The following SEC24A variants were observed in gnomAD, a reference collection of about 807,000 sequenced individuals.
SEC24A encodes the protein SEC24 homolog A, COPII component.
In SEC24A, 93 loss-of-function variants were observed where a neutral mutation model predicts 129.4. The observed-to-expected ratio is 0.72, with a 90% CI of 0.61 to 0.85. SEC24A has a LOEUF of 0.85. SEC24A is among the 40% of genes least tolerant of loss of function. The pLI, the probability that SEC24A is intolerant of heterozygous loss-of-function variation, is 0.00. For synonymous variants in SEC24A, 460 were observed against 467.3 expected, an observed-to-expected ratio of 0.98 and a Z score of 0.20; for missense variants, 1,264 against 1,307.4, an observed-to-expected ratio of 0.97 and a Z score of 0.51.
chr5:134,675,072 A>G lies in SEC24A; in HGVS notation c.1006A>G (p.Thr336Ala). 6.2e-7 allele frequency: 1 copy of G among 1,607,480 alleles called. No individual in the cohort carries two copies. The highest frequency in any genetic ancestry group is 8.5e-7 in the Non-Finnish European group (1 of 1,175,548). Residue 336 changes from threonine to alanine, a missense_variant, in exon 6 of 23, where the codon ACA becomes GCA. Physicochemically the swap from Thr to Ala is moderately conservative, Grantham distance 58. Coordinates refer to ENST00000398844, the MANE Select transcript of SEC24A (RefSeq NM_021982.3). ...TCCCTTAGGTGCTAATCATTTAACC[A>G]CAAGCATGAGTGGATTAAGTCTACA... ...QTPLGANHLT[T>A]SMSGLSLQPE...
chr5:134,710,442 A>G (rs1752291167), intron 18 of SEC24A, among the ~76,000 whole-genome samples: 1 of 152,090 alleles, frequency 6.6e-6, no homozygotes, highest in South Asian at 2.1e-4. Flanking sequence ...CATATTGGTT[A>G]GGCTGGTTTC....
At chr5:134,689,719 G>C (rs1196014341) in intron 11 of SEC24A, among the ~76,000 whole-genome samples, 2 of 151,168 alleles carry the variant, frequency 1.3e-5, no homozygotes, top group Non-Finnish European at 2.9e-5. Context: ...AGCCGAGATC[G>C]TGCCACCGCA....
chr5:134,680,649 T>G (rs1345936536), intron 8 of SEC24A, among the ~76,000 whole-genome samples: 1 of 151,806 alleles, frequency 6.6e-6, no homozygotes, highest in African/African-American at 2.4e-5. Context: ...TTTGTTTTTG[T>G]TTGTTTGTTT....
rs1752435789 is a variant in SEC24A, at chr5:134,715,029, A to G, written c.2733A>G (p.Ser911=). ...ATGGGGGTTTTCTGTTACAGAAATC[A>G]TTCCAGACTGGGACAAATGCACGTC... is the stretch of plus-strand genomic sequence containing the variant. The part of the protein sequence containing the change: ...LFVLALLKQK[S]FQTGTNARLD... The change falls in exon 19 of 23, where the codon TCA becomes TCG. Residue 911 remains serine (S), a synonymous_variant. Transcript: ENST00000398844. 3 of 1,612,238 alleles carry G rather than the reference A, an allele frequency of 1.9e-6. No homozygotes were observed. Among genetic ancestry groups the G allele is most frequent in the Non-Finnish European group, 2.5e-6 (3 of 1,179,282 alleles).
chr5:134,657,766 G>A (rs963609839), intron 1 of SEC24A, among the ~76,000 whole-genome samples: 2 of 151,930 alleles, frequency 1.3e-5, no homozygotes, highest in Non-Finnish European at 2.9e-5. Flanking sequence ...TTGTAGAGAC[G>A]AGGTCTCACT....
intron 2 of SEC24A, among the ~76,000 whole-genome samples, chr5:134,662,309 C>A (rs1003216155): frequency 1.3e-5 from 2 of 151,982 alleles, no homozygotes; most frequent in Non-Finnish European, 2.9e-5. Context: ...TGCCCGCCAC[C>A]ACGCCCGGCT....
In SEC24A at chr5:134,671,904, T is replaced by G. The variant is rs557749146; in HGVS notation, c.817+18T>G. 8.6e-6 allele frequency: 12 copies of G among 1,394,188 alleles called. No homozygotes were observed. Among genetic ancestry groups the G allele is most frequent in the Non-Finnish European group, 1.1e-5 (11 of 1,007,036 alleles). The allele number at this position is 1,394,188 out of a possible 1,614,324, so 86.4% of individuals were successfully genotyped here. A position where few individuals can be genotyped will look rare whatever the true frequency, so the allele number is the denominator to read the frequency against. Reference sequence around the variant, plus strand: ...CTTATTGGGTGAGATGCTATGAAAGTTTTTTTTTTAATCTCTTTTTTCTGA... The same window carrying G: ...CTTATTGGGTGAGATGCTATGAAAGGTTTTTTTTTAATCTCTTTTTTCTGA... On this transcript the variant is annotated intron_variant, in intron 4 of 22. Transcript: ENST00000398844.
chr5:134,683,333 T>A (rs979077384), intron 9 of SEC24A, among the ~76,000 whole-genome samples: 9 of 152,178 alleles, frequency 5.9e-5, no homozygotes, highest in South Asian at 2.1e-4. Flanking sequence ...CATATTTACT[T>A]ATAAGTTACA....
Position 134,667,672 on chromosome 5 carries a change from A to C in SEC24A, c.739+676A>C, listed in dbSNP as rs542377421. Reference sequence around the variant, plus strand: ...CCGTCTCAAAAAAAAAAAAAAACAAAAAAAAAAAAACAAGATATATTTTGA... The same window carrying C: ...CCGTCTCAAAAAAAAAAAAAAACAACAAAAAAAAAACAAGATATATTTTGA... On this transcript the variant is annotated intron_variant, in intron 3 of 22. Coordinates refer to ENST00000398844, the MANE Select transcript of SEC24A (RefSeq NM_021982.3). 3.0e-3 allele frequency among the ~76,000 whole-genome samples: 450 copies of C among 151,434 alleles called. 3 individuals carry two copies. The highest frequency in any genetic ancestry group is 9.2e-3 in the African/African-American group (380 of 41,338).
chr5:134,718,015 G>T (rs1160280428), intron 19 of SEC24A, 54 bp from the exon 20 acceptor site: 3 of 1,355,334 alleles, frequency 2.2e-6, no homozygotes, highest in African/African-American at 2.9e-5. Context: ...TTGTTTAACT[G>T]TGACTCCATA....
Position 134,720,018 on chromosome 5 carries a change from A to T in SEC24A, c.2971-980A>T, listed in dbSNP as rs560057630. Among the ~76,000 whole-genome samples, 15 of 152,368 alleles carry T rather than the reference A, an allele frequency of 9.8e-5. 1 individual carries two copies. The highest frequency in any genetic ancestry group is 2.0e-4 in the Admixed American group (3 of 15,306). ...AAAATTAAAAGAAGTTTATAAAGTT[A>T]TAGTAAACTACGATTAATTATTGAA... On this transcript the variant is annotated intron_variant, in intron 20 of 22. Transcript: ENST00000398844.
chr5:134,693,752 TGC>T lies in SEC24A; in HGVS notation c.1806_1807del (p.Leu602PhefsTer23). ...CTCGTGCAAGATTTACTGAAAACTT[TGC>T]CACAAATGTTTACCAAGACTCTGGA... On this transcript the variant is annotated frameshift_variant, in exon 13 of 23. Coordinates refer to ENST00000398844, the MANE Select transcript of SEC24A (RefSeq NM_021982.3). LOFTEE classifies it high-confidence loss of function. 4 of 1,613,976 alleles carry T rather than the reference TGC, an allele frequency of 2.5e-6. No individual in the cohort carries two copies. The highest frequency in any genetic ancestry group is 3.4e-6 in the Non-Finnish European group (4 of 1,179,946).
intron 11 of SEC24A, among the ~76,000 whole-genome samples, chr5:134,690,496 G>T (rs1751606508): frequency 6.6e-6 from 1 of 152,174 alleles, no homozygotes; most frequent in Admixed American, 6.6e-5. Flanking sequence ...AAAATTTCTT[G>T]TAGAGGCAAG....
chr5:134,649,310 G>C, intron 1 of SEC24A, 137 bp downstream of exon 1: 1 of 555,122 alleles, frequency 1.8e-6, no homozygotes, highest in South Asian at 2.5e-5. Context: ...GGGCGGCTGG[G>C]CCAGGGGACC....
At chr5:134,720,951 A>G (rs904557491) in intron 20 of SEC24A, 47 bp from the exon 21 acceptor site, 3 of 1,014,556 alleles carry the variant, frequency 3.0e-6, no homozygotes, top group African/African-American at 3.2e-5. Context: ...CAACAGACTC[A>G]CCTTTATGTA....
chr5:134,676,961 G>A (rs538218466), intron 7 of SEC24A, among the ~76,000 whole-genome samples: 14 of 152,048 alleles, frequency 9.2e-5, no homozygotes, highest in African/African-American at 3.4e-4. Context: ...TAGAATAGAG[G>A]TACTGAGAGA....
rs979240534 is a variant in SEC24A at position 134,727,598 on chromosome 5, A to G, written c.*2504A>G. 1.6e-4 allele frequency: 24 copies of G among 152,606 alleles called. No homozygotes were observed. The highest frequency in any genetic ancestry group is 5.5e-4 in the African/African-American group (23 of 41,470). The allele number at this position is 152,606 out of a possible 1,614,324, so 9.5% of individuals were successfully genotyped here. A position where few individuals can be genotyped will look rare whatever the true frequency, so the allele number is the denominator to read the frequency against. On this transcript the variant is annotated 3_prime_UTR_variant, in exon 23 of 23. Transcript: ENST00000398844. ...CTAGGGGACCACCAAATGTGATTTC[A>G]AAATTTTGTTAACTATTACAAATGT...
intron 11 of SEC24A, among the ~76,000 whole-genome samples, chr5:134,688,973 C>T (rs1384146659): frequency 6.6e-6 from 1 of 152,170 alleles, no homozygotes; most frequent in Non-Finnish European, 1.5e-5. Context: ...AGCCACCACC[C>T]ACAGCCAGTT....
intron 3 of SEC24A, among the ~76,000 whole-genome samples, chr5:134,671,563 A>G (rs1750863272): frequency 6.6e-6 from 1 of 152,170 alleles, no homozygotes; most frequent in African/African-American, 2.4e-5. Context: ...CCTTTGGCTT[A>G]GGTACAATGT....
Sources: gnomAD v4.1 joint callset for allele counts (sites outside exome capture counted in the v4.1 genomes callset) on GRCh38, gnomAD v4.1.1 for gene constraint, MANE v1.5 for transcripts, NCBI Gene and HGNC (gene_info 2026-07-23, HGNC 2026-07-21) for gene names.